The following FKBP5 variants were observed in gnomAD, a reference collection of about 807,000 sequenced individuals.
FKBP5 encodes the protein peptidyl-prolyl cis-trans isomerase FKBP5.
A neutral mutation model predicts 50.5 loss-of-function variants in FKBP5; 23 were observed. The ratio of observed to expected loss-of-function variants is 0.46; its 90% CI spans 0.33 to 0.65. FKBP5 has a LOEUF of 0.65. Among genes scored for constraint, FKBP5 ranks in the 30% least tolerant of loss-of-function variants. FKBP5 has a pLI of 0.02. For missense variants in FKBP5, 411 were observed against 553.1 expected, an observed-to-expected ratio of 0.74 and a Z score of 2.58; for synonymous variants, 176 against 190.6, an observed-to-expected ratio of 0.92 and a Z score of 0.63.
At chr6:35,579,244 G>A (rs1161770753) in intron 9 of FKBP5, among the ~76,000 whole-genome samples, 5 of 152,102 alleles carry the variant, frequency 3.3e-5, no homozygotes, top group African/African-American at 9.7e-5. Context: ...TTGGGAGAGA[G>A]GATGCGATAG....
chr6:35,633,243 T>C (rs1040902409), intron 3 of FKBP5, among the ~76,000 whole-genome samples: 1 of 152,196 alleles, frequency 6.6e-6, no homozygotes, highest in East Asian at 1.9e-4. Context: ...TGCTATAAAA[T>C]ATAAGTATAA....
intron 1 of FKBP5, among the ~76,000 whole-genome samples, chr6:35,646,733 G>A (rs1381390003): frequency 6.6e-6 from 1 of 152,164 alleles, no homozygotes; most frequent in East Asian, 1.9e-4. Context: ...AGCTTACTGT[G>A]CTGAACTGTC....
At chr6:35,709,638 T>C (rs954463011) in intron 2 of FKBP5, among the ~76,000 whole-genome samples, 17 of 152,244 alleles carry the variant, frequency 1.1e-4, no homozygotes, top group Admixed American at 6.5e-5. Context: ...ACTATGGTTG[T>C]TTTTTCTTTT....
At chr6:35,591,099 C>T (rs1178509598) in intron 7 of FKBP5, 31 bp downstream of exon 7, 1 of 1,430,346 alleles carries the variant, frequency 7.0e-7, no homozygotes, top group South Asian at 1.2e-5. Flanking sequence ...AGAAACCTAC[C>T]ATAATTTTAA....
At chr6:35,639,837 A>G (rs772858746) in intron 2 of FKBP5, among the ~76,000 whole-genome samples, 35 of 152,248 alleles carry the variant, frequency 2.3e-4, no homozygotes, top group Non-Finnish European at 4.3e-4. Context: ...CACAAGAGAT[A>G]TTAAAACTCA....
At chr6:35,713,058 C>T (rs1581901433) in intron 2 of FKBP5, among the ~76,000 whole-genome samples, 1 of 100,142 alleles carries the variant, frequency 1.0e-5, no homozygotes, top group Non-Finnish European at 1.8e-5. Flanking sequence ...GCCCAGGCGA[C>T]AATGCAAGAT....
intron 1 of FKBP5, among the ~76,000 whole-genome samples, chr6:35,671,180 C>T (rs953896163): frequency 6.6e-6 from 1 of 151,774 alleles, no homozygotes; most frequent in South Asian, 2.1e-4. Flanking sequence ...GGAAGGATTG[C>T]TTGAGCCAGG....
At chr6:35,692,192 C>G (rs1766001486), upstream of FKBP5, among the ~76,000 whole-genome samples, 1 of 152,198 alleles carries the variant, frequency 6.6e-6, no homozygotes, top group Admixed American at 6.5e-5. Flanking sequence ...ATTACCCAGG[C>G]TGGCCTGGAA....
Position 35,597,415 on chromosome 6 carries a change from G to C in FKBP5, c.509-11C>G. On this transcript the variant is annotated splice_polypyrimidine_tract_variant and intron_variant, in intron 5 of 10. Transcript: ENST00000357266. ...GGCCTTCCAGGTGGACTGAGGGCAA[G>C]GAGACAGGAGAGTCAACAGAGCTGC... The C allele has an allele frequency of 6.2e-7, 1 of 1,610,128 alleles. No homozygotes were observed. Among genetic ancestry groups the C allele is most frequent in the Non-Finnish European group, 8.5e-7 (1 of 1,178,688 alleles).
chr6:35,591,246 C>G (rs748290084), intron 6 of FKBP5, 26 bp from the exon 7 acceptor site: 1 of 1,500,850 alleles, frequency 6.7e-7, no homozygotes, highest in South Asian at 1.2e-5. Flanking sequence ...AAAAATAAAA[C>G]TTTAAAAGGA....
chr6:35,605,383 CTTTTTT>C (rs1158530509), intron 5 of FKBP5, among the ~76,000 whole-genome samples: 2,135 of 52,200 alleles, frequency 0.041, 40 homozygotes, highest in African/African-American at 0.14. Flanking sequence ...ATGACAATAT[CTTTTTT>C]TTTTTTTTTT....
intron 2 of FKBP5, among the ~76,000 whole-genome samples, chr6:35,712,810 T>C (rs1485974076): frequency 6.6e-6 from 1 of 152,152 alleles, no homozygotes; most frequent in Admixed American, 6.5e-5. Context: ...GGGCTGACCC[T>C]AGAACTGAAG....
rs1382087252 is a variant in FKBP5, at chr6:35,581,862, C to T, written c.841-1641G>A. On this transcript the variant is annotated intron_variant, in intron 8 of 10. Coordinates refer to ENST00000357266, the MANE Select transcript of FKBP5 (RefSeq NM_004117.4). ...GTTAAGACCATGTTACTAGGATTTA[C>T]CACAGCCCAAGCAGCGCGTACATCT... 5.1e-6 allele frequency: 5 copies of T among 985,318 alleles called. No individual in the cohort carries two copies. The African/African-American group carries it at 8.7e-5, about 17-fold the overall frequency. 61.0% of individuals were successfully genotyped at this position (985,318 alleles called of 1,614,324 possible).
At chr6:35,678,115 A>C (rs1346181354) in intron 1 of FKBP5, among the ~76,000 whole-genome samples, 6 of 152,254 alleles carry the variant, frequency 3.9e-5, no homozygotes, top group Non-Finnish European at 7.3e-5. Context: ...AAGAGACATA[A>C]AGTTAGAAAC....
At chr6:35,689,776 G>T (rs1005960703), upstream of FKBP5, among the ~76,000 whole-genome samples, 10 of 152,182 alleles carry the variant, frequency 6.6e-5, no homozygotes, top group African/African-American at 2.2e-4. Flanking sequence ...GGCAGAGGTT[G>T]TAGTGAGTCG....
intron 1 of FKBP5, among the ~76,000 whole-genome samples, chr6:35,649,966 C>G (rs1764749135): frequency 6.6e-6 from 1 of 152,172 alleles, no homozygotes; most frequent in African/African-American, 2.4e-5. Context: ...TTTTGAAAAG[C>G]ATGAGATAAA....
chr6:35,575,780 A>G lies in FKBP5; in HGVS notation c.*55T>C, dbSNP rs977253118. The G allele has an allele frequency of 1.8e-6, 2 of 1,103,950 alleles. No individual in the cohort carries two copies. Among genetic ancestry groups the G allele is most frequent in the African/African-American group, 3.1e-5 (2 of 65,368 alleles). 68.4% of individuals were successfully genotyped at this position (1,103,950 alleles called of 1,614,324 possible). On this transcript the variant is annotated 3_prime_UTR_variant, in exon 11 of 11. Transcript: ENST00000357266. ...CACTGTTCTGTCCTGAGTTGGGGGA[A>G]AGCCCATTGAGGAGGGGCCGAGTTC... is the stretch of plus-strand genomic sequence containing the variant.
chr6:35,647,367 C>T (rs1013685928), intron 1 of FKBP5, among the ~76,000 whole-genome samples: 2 of 152,212 alleles, frequency 1.3e-5, no homozygotes, highest in Non-Finnish European at 2.9e-5. Flanking sequence ...AGGACTAAGT[C>T]ATCAACTTCC....
intron 1 of FKBP5, among the ~76,000 whole-genome samples, chr6:35,678,119 T>G (rs1561890919): frequency 6.6e-6 from 1 of 152,122 alleles, no homozygotes; most frequent in Non-Finnish European, 1.5e-5. Flanking sequence ...GACATAAAGT[T>G]AGAAACAAAA....
Sources: allele counts gnomAD v4.1 joint callset (sites outside exome capture counted in the v4.1 genomes callset), GRCh38; gene constraint gnomAD v4.1.1; transcripts MANE v1.5; gene names NCBI Gene and HGNC (gene_info 2026-07-23, HGNC 2026-07-21).